KLF11: variants seen among roughly 807,000 people sequenced by gnomAD.
The protein encoded by KLF11 is Krueppel-like factor 11.
Under a neutral mutation model 29.9 loss-of-function variants are expected in KLF11, and 26 were observed. The observed-to-expected ratio is 0.87, with a 90% confidence interval of 0.64 to 1.21. The LOEUF (loss-of-function observed/expected upper bound fraction) is 1.21, where lower values mean the gene tolerates loss of function less well. KLF11 is among the 50% of genes most tolerant of loss of function. The pLI is 0.00. For missense variants in KLF11, 778 were observed against 665.7 expected (o/e 1.17, Z -1.86); for synonymous variants, 318 against 257.4 (o/e 1.24, Z -2.25).
intron 3 of KLF11, 49 bp from the exon 4 acceptor site, chr2:10,052,178 G>A: frequency 6.4e-7 from 1 of 1,569,566 alleles, no homozygotes; most frequent in Non-Finnish European, 8.8e-7. Context: ...CCTTGAATAA[G>A]GTGCTTAGCG....
chr2:10,053,506 C>T lies in KLF11; in HGVS notation c.*999C>T. 2.5e-6 allele frequency: 1 copy of T among 398,488 alleles called. No homozygotes were observed. 24.7% of individuals were successfully genotyped at this position (398,488 alleles called of 1,614,324 possible). On this transcript the variant is annotated 3_prime_UTR_variant, in exon 4 of 4. Coordinates refer to ENST00000305883, the MANE Select transcript of KLF11 (RefSeq NM_003597.5). ...CTGTATTGGTTGGATGAAACTCCAC[C>T]AGAGCACAGCTTAGCTGGGGCGAGA...
At chr2:10,044,922 G>A (rs1391879539) in intron 1 of KLF11, among the ~76,000 whole-genome samples, 1 of 152,192 alleles carries the variant, frequency 6.6e-6, no homozygotes, top group East Asian at 1.9e-4. Flanking sequence ...GAGGTGGGCG[G>A]ATCACCTGAG....
rs765703738 is a variant in KLF11 at position 10,048,406 on chromosome 2, A to G, written c.1069A>G (p.Asn357Asp). The change falls in exon 3 of 4, where the codon AAT (asparagine) becomes GAT (aspartate). Residue 357 changes from asparagine (N) to aspartate (D), a missense_variant. Transcript: ENST00000305883. ...ALPPPAPCAA[N>D]VMAAGNTKLL... ...CCCTCCGCCTGCCCCCTGTGCAGCC[A>G]ATGTCATGGCTGCCGGGAATACCAA... 6.2e-7 allele frequency: 1 copy of G among 1,614,004 alleles called. No homozygotes were observed. Among genetic ancestry groups the G allele is most frequent in the South Asian group, 1.1e-5 (1 of 91,076 alleles).
intron 1 of KLF11, 84 bp from the exon 2 acceptor site, chr2:10,046,066 C>G: frequency 6.6e-7 from 1 of 1,506,702 alleles, no homozygotes; most frequent in Non-Finnish European, 9.2e-7. Flanking sequence ...CTGTAGGCTT[C>G]TGATATGCAT....
At chr2:10,048,663 G>C in intron 3 of KLF11, 68 bp downstream of exon 3, 1 of 1,232,960 alleles carries the variant, frequency 8.1e-7, no homozygotes, top group East Asian at 2.3e-5. Flanking sequence ...ACCTTGAGCC[G>C]CCTTTGGCTG....
chr2:10,048,504 C>T lies in KLF11; in HGVS notation c.1167C>T (p.Ser389=), dbSNP rs758463973. Residue 389 remains serine, a synonymous_variant, in exon 3 of 4, where the codon TCC becomes TCT. Transcript: ENST00000305883. The part of the protein sequence containing the change: ...SQNCVPQVDF[S]RRRNYVCSFP... ...ACTGTGTCCCTCAGGTAGACTTTTC[C>T]CGAAGGAGGAACTATGTATGCAGCT... 1 of 1,613,800 alleles carries T rather than the reference C, an allele frequency of 6.2e-7. No individual in the cohort carries two copies. Among genetic ancestry groups the T allele is most frequent in the Non-Finnish European group, 8.5e-7 (1 of 1,180,036 alleles).
rs201555141 is a variant in KLF11, at chr2:10,046,284, A to G, written c.177A>G (p.Gln59=). The G allele has an allele frequency of 2.7e-5, 44 of 1,614,188 alleles. No homozygotes were observed. The highest frequency in any genetic ancestry group is 1.9e-4 in the African/African-American group (14 of 75,044). Residue 59 remains glutamine, a synonymous_variant, in exon 2 of 4, where the codon CAA becomes CAG. Transcript: ENST00000305883. The stretch of plus-strand genomic sequence containing the variant: ...TTGTTTGTATGAGCTCCTGGGGTCA[A>G]AGATCCCAGAAAGGTGACCTGTTGC... ...EALVCMSSWG[Q]RSQKGDLLRI...
At position 10,043,725 on chromosome 2, in the gene KLF11, G is replaced by A; in HGVS notation, c.9G>A (p.Thr3=). Residue 3 remains threonine, a synonymous_variant, in exon 1 of 4, where the codon ACG becomes ACA. Coordinates refer to ENST00000305883, the MANE Select transcript of KLF11 (RefSeq NM_003597.5). ...CCCGGCCGGCCTGCACGATGCACAC[G>A]CCGGACTTCGCAGGCCCAGACGACG... MH[T]PDFAGPDDAR... The A allele has an allele frequency of 2.2e-6, 3 of 1,365,248 alleles. No homozygotes were observed. Among genetic ancestry groups the A allele is most frequent in the Non-Finnish European group, 2.9e-6 (3 of 1,043,476 alleles). 84.6% of individuals were successfully genotyped at this position (1,365,248 alleles called of 1,614,324 possible). A position where few individuals can be genotyped will look rare whatever the true frequency, so the allele number is the denominator to read the frequency against.
chr2:10,046,466 T>C, intron 2 of KLF11, 47 bp downstream of exon 2: 1 of 1,593,936 alleles, frequency 6.3e-7, no homozygotes, highest in Non-Finnish European at 8.6e-7. Flanking sequence ...ATGACTAGAG[T>C]AGCTGAACTC....
At position 10,053,378 on chromosome 2, in the gene KLF11, C is replaced by G. The variant is rs1039255728; in HGVS notation, c.*871C>G. ...CCTAAAACACCAAAAAAGAAACACT[C>G]AAATCCAGCTGCTTTGTCAATTGTC... On this transcript the variant is annotated 3_prime_UTR_variant, in exon 4 of 4. Transcript: ENST00000305883. The G allele has an allele frequency of 2.5e-6, 1 of 398,566 alleles. No homozygotes were observed. Among genetic ancestry groups the G allele is most frequent in the Non-Finnish European group, 4.4e-6 (1 of 226,110 alleles). 24.7% of individuals were successfully genotyped at this position (398,566 alleles called of 1,614,324 possible).
At position 10,044,068 on chromosome 2, in the gene KLF11, C is replaced by T. The variant is rs183945913; in HGVS notation, c.42+310C>T. 3.0e-3 allele frequency: 2,116 copies of T among 707,904 alleles called. 38 individuals are homozygous for T. The African/African-American group carries it at 0.037, about 12-fold the overall frequency. 43.9% of individuals were successfully genotyped at this position (707,904 alleles called of 1,614,324 possible). A position where few individuals can be genotyped will look rare whatever the true frequency, so the allele number is the denominator to read the frequency against. On this transcript the variant is annotated intron_variant, in intron 1 of 3. Transcript: ENST00000305883. ...CATGACGTCACCCCGGTCCTGTGAG[C>T]CGGACGGCCGTTGGGCGGGGGAGCG...
chr2:10,047,521 C>G, intron 2 of KLF11, 129 bp from the exon 3 acceptor site: 1 of 833,756 alleles, frequency 1.2e-6, no homozygotes, highest in Non-Finnish European at 2.0e-6. Flanking sequence ...TTGAAACCCA[C>G]TGGGATGTTG....
chr2:10,054,065 T>C lies in KLF11; in HGVS notation c.*1558T>C, dbSNP rs4669522. On this transcript the variant is annotated 3_prime_UTR_variant, in exon 4 of 4. Transcript: ENST00000305883. ...CATTCATTGTGTGTGACTTGATACCTGTTAACTTGCCCCTTAGTATCAGCT... is the reference window on the plus strand; with the variant it reads ...CATTCATTGTGTGTGACTTGATACCCGTTAACTTGCCCCTTAGTATCAGCT... The C allele has an allele frequency of 0.82, 125,289 of 152,176 alleles. 51,667 individuals carry two copies. Among genetic ancestry groups the C allele is most frequent in the Middle Eastern group, 0.89 (261 of 294 alleles). 9.4% of individuals were successfully genotyped at this position (152,176 alleles called of 1,614,324 possible).
intron 2 of KLF11, 125 bp from the exon 3 acceptor site, chr2:10,047,525 G>A (rs1661246063): frequency 1.2e-6 from 1 of 847,862 alleles, no homozygotes; most frequent in Non-Finnish European, 1.9e-6. Context: ...AACCCACTGG[G>A]ATGTTGAAAA....
At chr2:10,044,338 G>T (rs1022181462) in intron 1 of KLF11, 2 of 985,544 alleles carry the variant, frequency 2.0e-6, no homozygotes, top group African/African-American at 3.5e-5. Flanking sequence ...AGCGTTGGGG[G>T]CCCTAAGCGT....
chr2:10,051,610 C>T (rs975880196), intron 3 of KLF11, among the ~76,000 whole-genome samples: 19 of 152,194 alleles, frequency 1.2e-4, no homozygotes, highest in East Asian at 1.2e-3. Context: ...CTCTGCCTCC[C>T]GGGTTCACAC....
Position 10,048,234 on chromosome 2 carries a change from A to C in KLF11, c.897A>C (p.Leu299Phe). The C allele has an allele frequency of 6.2e-7, 1 of 1,613,416 alleles. No individual in the cohort carries two copies. Among genetic ancestry groups the C allele is most frequent in the Non-Finnish European group, 8.5e-7 (1 of 1,179,412 alleles). ...CTGTGACTGGACAAAGTAGCATGTT[A>C]CCAGCTTTTTTGAAGCCCCCTCCCC... Reference protein sequence around the residue: ...MIPVTGQSSMLPAFLKPPPQL... With the variant: ...MIPVTGQSSMFPAFLKPPPQL... The change falls in exon 3 of 4, where the codon TTA becomes TTC. Residue 299 changes from leucine to phenylalanine, a missense_variant. Coordinates refer to ENST00000305883, the MANE Select transcript of KLF11 (RefSeq NM_003597.5).
At chr2:10,044,075 G>T in intron 1 of KLF11, 1 of 712,468 alleles carries the variant, frequency 1.4e-6, no homozygotes, top group Non-Finnish European at 1.7e-6. Context: ...GAGCCGGACG[G>T]CCGTTGGGCG....
chr2:10,043,782 G>A (rs1470733056), intron 1 of KLF11, 24 bp downstream of exon 1: 25 of 1,366,420 alleles, frequency 1.8e-5, no homozygotes, highest in Admixed American at 2.4e-5. Context: ...CTGCCGCGGC[G>A]GGACTACTCG....
Sources: gnomAD v4.1 joint callset for allele counts (sites outside exome capture counted in the v4.1 genomes callset) on GRCh38, gnomAD v4.1.1 for gene constraint, MANE v1.5 for transcripts, NCBI Gene and HGNC (gene_info 2026-07-23, HGNC 2026-07-21) for gene names.